The following MALRD1 variants were observed in gnomAD, a reference collection of about 807,000 sequenced individuals.
MALRD1 encodes the protein MAM and LDL-receptor class A domain-containing protein 1.
A neutral mutation model predicts 242.1 loss-of-function variants in MALRD1; 247 were observed. The ratio of observed to expected loss-of-function variants is 1.02; its 90% confidence interval spans 0.92 to 1.13. The LOEUF is 1.13. Among genes scored for constraint, MALRD1 ranks in the 50% most tolerant of loss-of-function variants. The pLI, the probability that MALRD1 is intolerant of heterozygous loss-of-function variation, is 0.00. For missense variants in MALRD1, 2,989 were observed against 2,533.1 expected (o/e 1.18, Z -3.86); for synonymous variants, 995 against 866.6 (o/e 1.15, Z -2.60).
chr10:19,556,009 TC>T (rs1835701468), intron 32 of MALRD1, among the ~76,000 whole-genome samples: 1 of 152,172 alleles, frequency 6.6e-6, no homozygotes, highest in South Asian at 2.1e-4. Flanking sequence ...TTTGTGTTTT[TC>T]CAACTAAGGC....
intron 24 of MALRD1, among the ~76,000 whole-genome samples, chr10:19,340,954 A>G (rs542174061): frequency 1.3e-5 from 2 of 152,140 alleles, no homozygotes; most frequent in Admixed American, 6.6e-5. Flanking sequence ...GTGTATTAAA[A>G]TTTGAAAAGC....
intron 33 of MALRD1, among the ~76,000 whole-genome samples, chr10:19,572,492 A>C (rs929020478): frequency 1.3e-5 from 2 of 152,194 alleles, no homozygotes; most frequent in African/African-American, 4.8e-5. Flanking sequence ...GAGTTTAATA[A>C]GGTGGCAAAT....
intron 29 of MALRD1, among the ~76,000 whole-genome samples, chr10:19,474,254 T>A (rs774044476): frequency 6.6e-6 from 1 of 152,058 alleles, no homozygotes; most frequent in Non-Finnish European, 1.5e-5. Context: ...ATGTGAAGAG[T>A]AGGATCACTC....
intron 19 of MALRD1, among the ~76,000 whole-genome samples, chr10:19,271,881 T>C (rs916872066): frequency 6.6e-6 from 1 of 151,906 alleles, no homozygotes; most frequent in Non-Finnish European, 1.5e-5. Flanking sequence ...AAATGAAAAA[T>C]AATTCAGTAT....
intron 28 of MALRD1, among the ~76,000 whole-genome samples, chr10:19,442,586 T>G (rs1380755665): frequency 1.3e-5 from 2 of 152,114 alleles, no homozygotes; most frequent in African/African-American, 4.8e-5. Context: ...TCATGTGGTT[T>G]TTGTCTTTGG....
intron 1 of MALRD1, among the ~76,000 whole-genome samples, chr10:19,058,593 C>A (rs1278723071): frequency 6.6e-6 from 1 of 151,960 alleles, no homozygotes; most frequent in Non-Finnish European, 1.5e-5. Context: ...TTCAGTATAT[C>A]AAAACATTGC....
chr10:19,225,131 G>C (rs1230415191), intron 18 of MALRD1, among the ~76,000 whole-genome samples: 1 of 152,082 alleles, frequency 6.6e-6, no homozygotes, highest in Non-Finnish European at 1.5e-5. Context: ...AGGTGTGTCA[G>C]AGATATGTTG....
chr10:19,655,530 G>GTGTATA (rs1250910390), intron 36 of MALRD1, among the ~76,000 whole-genome samples: 10 of 108,832 alleles, frequency 9.2e-5, no homozygotes, highest in Admixed American at 3.8e-4. Flanking sequence ...ATGTGTGAGT[G>GTGTATA]TATATATATA....
chr10:19,155,286 A>G (rs1834102521), intron 12 of MALRD1, 114 bp downstream of exon 12: 1 of 474,442 alleles, frequency 2.1e-6, no homozygotes, highest in Admixed American at 4.4e-5. Flanking sequence ...ATGATGAATT[A>G]AGAGATTTAC....
intron 24 of MALRD1, among the ~76,000 whole-genome samples, chr10:19,347,081 C>T (rs1844164331): frequency 6.6e-6 from 1 of 152,142 alleles, no homozygotes; most frequent in Admixed American, 6.5e-5. Flanking sequence ...ATCTTCACTA[C>T]CATTTTCAGC....
intron 31 of MALRD1, among the ~76,000 whole-genome samples, chr10:19,504,537 G>A (rs2131266936): frequency 6.6e-6 from 1 of 151,940 alleles, no homozygotes; most frequent in African/African-American, 2.4e-5. Context: ...ATTATTCCTG[G>A]ACCCACTTTG....
At chr10:19,223,120 G>A (rs1837636202) in intron 18 of MALRD1, among the ~76,000 whole-genome samples, 2 of 152,088 alleles carry the variant, frequency 1.3e-5, no homozygotes, top group Admixed American at 1.3e-4. Flanking sequence ...GACAATTTTA[G>A]TTCATATACA....
chr10:19,681,579 A>C (rs1437241662), intron 36 of MALRD1, among the ~76,000 whole-genome samples: 1 of 152,016 alleles, frequency 6.6e-6, no homozygotes, highest in Non-Finnish European at 1.5e-5. Flanking sequence ...CATGGTTCTT[A>C]GCTTCTTTGC....
chr10:19,632,552 T>C (rs1392685521), intron 36 of MALRD1, among the ~76,000 whole-genome samples: 1 of 152,136 alleles, frequency 6.6e-6, no homozygotes, highest in Non-Finnish European at 1.5e-5. Flanking sequence ...CTTAAAAACC[T>C]AAGGAATAAT....
At chr10:19,267,370 T>C (rs1840013426) in intron 19 of MALRD1, among the ~76,000 whole-genome samples, 1 of 152,100 alleles carries the variant, frequency 6.6e-6, no homozygotes, top group Admixed American at 6.6e-5. Flanking sequence ...ATATGATGAC[T>C]ATTTTAAGGA....
At chr10:19,210,155 TG>T (rs1480253144) in intron 18 of MALRD1, among the ~76,000 whole-genome samples, 3 of 152,228 alleles carry the variant, frequency 2.0e-5, no homozygotes, top group African/African-American at 7.2e-5. Flanking sequence ...TCCTTACTCC[TG>T]GGGGAATATT....
At chr10:19,288,664 G>C (rs776236782) in intron 21 of MALRD1, among the ~76,000 whole-genome samples, 3 of 152,064 alleles carry the variant, frequency 2.0e-5, no homozygotes, top group Non-Finnish European at 2.9e-5. Flanking sequence ...GTAGTCCACA[G>C]TTCTGTTGTG....
chr10:19,360,093 G>C (rs1844825551), intron 26 of MALRD1, among the ~76,000 whole-genome samples: 1 of 151,968 alleles, frequency 6.6e-6, no homozygotes, highest in Admixed American at 6.6e-5. Context: ...TAATTATAAT[G>C]GGAAATTGCC....
intron 5 of MALRD1, among the ~76,000 whole-genome samples, chr10:19,107,591 C>T (rs1174408462): frequency 6.8e-6 from 1 of 147,526 alleles, no homozygotes; most frequent in Non-Finnish European, 1.5e-5. Flanking sequence ...ATCTACTCAT[C>T]CACTCTATAT....
Sources: gnomAD v4.1 joint callset for allele counts (sites outside exome capture counted in the v4.1 genomes callset) on GRCh38, gnomAD v4.1.1 for gene constraint, MANE v1.5 for transcripts, NCBI Gene and HGNC (gene_info 2026-07-23, HGNC 2026-07-21) for gene names.